MSMB: variants seen among roughly 807,000 people sequenced by gnomAD.
MSMB encodes the protein beta-microseminoprotein.
MSMB carries 10 observed loss-of-function variants against 10.5 expected under a neutral mutation model. The observed-to-expected ratio is 0.95, with a 90% confidence interval of 0.59 to 1.62. MSMB has a LOEUF of 1.62. Among genes scored for constraint, MSMB ranks in the 40% most tolerant of loss-of-function variants. The probability of loss-of-function intolerance (pLI) is 0.00; values close to 1 mark genes in which losing one functional copy is unlikely to be tolerated. For missense variants in MSMB, 126 were observed against 137.4 expected, an observed-to-expected ratio of 0.92 and a Z score of 0.42; for synonymous variants, 43 against 46.5, an observed-to-expected ratio of 0.93 and a Z score of 0.30.
intron 3 of MSMB, among the ~76,000 whole-genome samples, chr10:46,036,192 C>T (rs1554927510): frequency 6.6e-6 from 1 of 152,208 alleles, no homozygotes; most frequent in Non-Finnish European, 1.5e-5. Flanking sequence ...GAGCCTCTGC[C>T]TGGGCCCCCA....
At chr10:46,042,193 C>A (rs181234953) in intron 1 of MSMB, among the ~76,000 whole-genome samples, 1 of 151,984 alleles carries the variant, frequency 6.6e-6, no homozygotes, top group Non-Finnish European at 1.5e-5. Context: ...AGAAAGATAT[C>A]AAATTTTCAG....
chr10:46,033,343 TGGCTACAC>T lies in MSMB; in HGVS notation c.*71_*78del. The stretch of plus-strand genomic sequence containing the variant: ...TCAAAAATCTTTTTACTGATAGGCA[TGGCTACAC>T]AATCATTGACTATTAGAGGCCAGAG... On this transcript the variant is annotated 3_prime_UTR_variant, in exon 4 of 4. Transcript: ENST00000582163. 1 of 1,546,200 alleles carries T rather than the reference TGGCTACAC, an allele frequency of 6.5e-7. No homozygotes were observed. Among genetic ancestry groups the T allele is most frequent in the African/African-American group, 1.4e-5 (1 of 72,554 alleles).
chr10:46,041,837 G>A (rs555721118), intron 1 of MSMB, among the ~76,000 whole-genome samples: 1 of 148,018 alleles, frequency 6.8e-6, no homozygotes, highest in South Asian at 2.2e-4. Context: ...AGAAAACCCA[G>A]AAAATTCCAA....
chr10:46,044,575 GAAAAAAAAAAAAA>G (rs56061175), intron 1 of MSMB, among the ~76,000 whole-genome samples: 21 of 38,528 alleles, frequency 5.5e-4, no homozygotes, highest in South Asian at 2.2e-3. Flanking sequence ...CTCCGTCTCA[GAAAAAAAAAAAAA>G]AAAAAAAAAA....
At chr10:46,035,876 C>A (rs1840590083) in intron 3 of MSMB, among the ~76,000 whole-genome samples, 1 of 152,028 alleles carries the variant, frequency 6.6e-6, no homozygotes, top group African/African-American at 2.4e-5. Context: ...AGATACAATT[C>A]TTTTAGTTCA....
At chr10:46,040,581 A>G (rs1840719536) in intron 1 of MSMB, among the ~76,000 whole-genome samples, 2 of 152,360 alleles carry the variant, frequency 1.3e-5, no homozygotes, top group African/African-American at 4.8e-5. Context: ...GCTTTAACTT[A>G]TAAGCAAAGT....
chr10:46,044,486 G>A (rs1259430144), intron 1 of MSMB, among the ~76,000 whole-genome samples: 1 of 143,786 alleles, frequency 7.0e-6, no homozygotes, highest in Admixed American at 7.4e-5. Flanking sequence ...TGAGGCAGGA[G>A]AATGGCGTGA....
intron 1 of MSMB, among the ~76,000 whole-genome samples, chr10:46,044,515 G>A (rs917884729): frequency 3.5e-5 from 5 of 142,268 alleles, no homozygotes; most frequent in African/African-American, 1.3e-4. Flanking sequence ...GGTGGAGCTT[G>A]CAGTGAGCCG....
Position 46,035,826 on chromosome 10 carries a change from T to TA in MSMB, c.216-2276dup, listed in dbSNP as rs74262033. On this transcript the variant is annotated intron_variant, in intron 3 of 3. Transcript: ENST00000582163. The stretch of plus-strand genomic sequence containing the variant: ...TTATGTAGTATACATTTTACCACAA[T>TA]AAAAAAAAAAGGTTAAAAATAAAGT... Among the ~76,000 whole-genome samples the TA allele has an allele frequency of 3.4e-3, 502 of 146,844 alleles. 4 individuals carry two copies. The highest frequency in any genetic ancestry group is 0.02 in the East Asian group (101 of 5,054).
At chr10:46,034,650 C>T (rs146001045) in intron 3 of MSMB, among the ~76,000 whole-genome samples, 1 of 151,500 alleles carries the variant, frequency 6.6e-6, no homozygotes, top group Non-Finnish European at 1.5e-5. Context: ...CCGGTGAAAC[C>T]CCGTCTCCAC....
At chr10:46,041,344 C>CAAA (rs60728604) in intron 1 of MSMB, among the ~76,000 whole-genome samples, 26 of 96,522 alleles carry the variant, frequency 2.7e-4, no homozygotes, top group African/African-American at 6.9e-4. Context: ...GACTCCGTCT[C>CAAA]AAAAAAAAAA....
chr10:46,045,579 T>C (rs1159160914), intron 1 of MSMB, among the ~76,000 whole-genome samples: 1 of 152,096 alleles, frequency 6.6e-6, no homozygotes, highest in East Asian at 1.9e-4. Context: ...ACCCAAGATT[T>C]TTCCTTAACA....
Position 46,033,383 on chromosome 10 carries a change from G to A in MSMB, c.*39C>T, listed in dbSNP as rs782582224. On this transcript the variant is annotated 3_prime_UTR_variant, in exon 4 of 4. Transcript: ENST00000582163. ...TGACTATTAGAGGCCAGAGGAGAAT[G>A]AGGCCTGGCCTGGGAGCCCTGTGCC... 2.5e-6 allele frequency: 4 copies of A among 1,608,442 alleles called. No homozygotes were observed. Among genetic ancestry groups the A allele is most frequent in the African/African-American group, 1.3e-5 (1 of 74,688 alleles).
Position 46,033,521 on chromosome 10 carries a change from G to A in MSMB, c.246C>T (p.Asp82=). 1 of 1,613,778 alleles carries A rather than the reference G, an allele frequency of 6.2e-7. No homozygotes were observed. Among genetic ancestry groups the A allele is most frequent in the Non-Finnish European group, 8.5e-7 (1 of 1,179,724 alleles). The change falls in exon 4 of 4, where the codon GAC becomes GAT. Residue 82 remains aspartate (D), a synonymous_variant. Coordinates refer to ENST00000582163, the MANE Select transcript of MSMB (RefSeq NM_002443.4). ...LVSTPVGYDK[D]NCQRIFKKED... is the part of the protein sequence containing the mutation. The stretch of plus-strand genomic sequence containing the variant: ...CCTTCTTGAAGATTCTTTGGCAGTT[G>A]TCTTTGTCATAACCCACAGGTGTAG...
intron 3 of MSMB, among the ~76,000 whole-genome samples, chr10:46,036,161 C>T (rs577050623): frequency 1.3e-5 from 2 of 152,148 alleles, no homozygotes; most frequent in East Asian, 3.9e-4. Flanking sequence ...GAGCCCAGGA[C>T]ATCTCCCATG....
At chr10:46,039,134 C>G (rs1272628160) in intron 2 of MSMB, 63 bp from the exon 3 acceptor site, 2 of 1,409,302 alleles carry the variant, frequency 1.4e-6, no homozygotes, top group Admixed American at 3.5e-5. Context: ...CCTATCAGGA[C>G]ATTGAGTCCT....
At chr10:46,042,101 C>A (rs1840767596) in intron 1 of MSMB, among the ~76,000 whole-genome samples, 1 of 152,046 alleles carries the variant, frequency 6.6e-6, no homozygotes, top group Admixed American at 6.6e-5. Context: ...ATAATCACAG[C>A]ATATATACAT....
chr10:46,043,884 A>G (rs10994125), intron 1 of MSMB, among the ~76,000 whole-genome samples: 31,695 of 151,992 alleles, frequency 0.21, 3,963 homozygotes, highest in African/African-American at 0.36. Context: ...CATGTTGGCC[A>G]GGCTGGTCTC....
At chr10:46,036,341 A>AAAAACAAAGGAGG in intron 3 of MSMB, among the ~76,000 whole-genome samples, 1 of 152,204 alleles carries the variant, frequency 6.6e-6, no homozygotes, top group East Asian at 1.9e-4. Context: ...AGTTCATGAG[A>AAAAACAAAGGAGG]AAAACAAAGG....
Sources: allele counts gnomAD v4.1 joint callset (sites outside exome capture counted in the v4.1 genomes callset), GRCh38; gene constraint gnomAD v4.1.1; transcripts MANE v1.5; gene names NCBI Gene and HGNC (gene_info 2026-07-23, HGNC 2026-07-21).